Variants in ALDH3A2 observed in about 807,000 individuals in gnomAD.
ALDH3A2 encodes aldehyde dehydrogenase 3 family member A2, also known as aldehyde dehydrogenase family 3 member A2.
A neutral mutation model predicts 51.3 loss-of-function variants in ALDH3A2; 36 were observed. That is an observed-to-expected ratio of 0.70 (90% CI 0.54 to 0.93). ALDH3A2 has a LOEUF of 0.93. ALDH3A2 is among the 40% of genes least tolerant of loss of function. The probability of loss-of-function intolerance (pLI) is 0.00; values close to 1 mark genes in which losing one functional copy is unlikely to be tolerated. For missense variants in ALDH3A2, 552 were observed against 603.1 expected (o/e 0.92, Z 0.89); for synonymous variants, 199 against 219.8 (o/e 0.91, Z 0.84).
In ALDH3A2 at chr17:19,677,543, A is replaced by G. The variant is rs886052701; in HGVS notation, c.*1971A>G. On this transcript the variant is annotated 3_prime_UTR_variant, in exon 10 of 10. Transcript: ENST00000176643. ...CCTCAGATATACCCTATTGGAGACA[A>G]TCCTTTGATCATAAATTCTCCCCAA... 1 of 152,146 alleles carries G rather than the reference A, an allele frequency of 6.6e-6. No individual in the cohort carries two copies. The highest frequency in any genetic ancestry group is 2.4e-5 in the African/African-American group (1 of 41,436). 9.4% of individuals were successfully genotyped at this position (152,146 alleles called of 1,614,324 possible).
In ALDH3A2 at chr17:19,656,358, T is replaced by C; in HGVS notation, c.472-8T>C. ...CAGTGCAAGAGTTTGTGTTTCTCTT[T>C]CTTTGAGGATCTCTATATTGTTATT... On this transcript the variant is annotated splice_region_variant and splice_polypyrimidine_tract_variant and intron_variant, in intron 3 of 9. Coordinates refer to ENST00000176643, the MANE Select transcript of ALDH3A2 (RefSeq NM_000382.3). The C allele has an allele frequency of 6.2e-7, 1 of 1,611,802 alleles. No homozygotes were observed. The highest frequency in any genetic ancestry group is 8.5e-7 in the Non-Finnish European group (1 of 1,177,942).
At chr17:19,673,269 G>A (rs756556265) in intron 9 of ALDH3A2, 4 of 1,614,030 alleles carry the variant, frequency 2.5e-6, no homozygotes, top group Non-Finnish European at 3.4e-6. Flanking sequence ...TGTCTGTTAA[G>A]AGTGAGGTAG....
At chr17:19,652,899 A>G (rs910928516) in intron 3 of ALDH3A2, among the ~76,000 whole-genome samples, 2 of 151,924 alleles carry the variant, frequency 1.3e-5, no homozygotes, top group African/African-American at 2.4e-5. Flanking sequence ...ATTTGGGGTT[A>G]ATTTTTGAGC....
chr17:19,656,524 G>C lies in ALDH3A2; in HGVS notation c.630G>C (p.Gly210=), dbSNP rs375800329. 3 of 1,614,062 alleles carry C rather than the reference G, an allele frequency of 1.9e-6. No homozygotes were observed. The highest frequency in any genetic ancestry group is 1.7e-6 in the Non-Finnish European group (2 of 1,179,990). The change falls in exon 4 of 10, where the codon GGG becomes GGC. Residue 210 remains glycine (G), a synonymous_variant. Coordinates refer to ENST00000176643, the MANE Select transcript of ALDH3A2 (RefSeq NM_000382.3). ...CCCCTGTGACTCTTGAACTGGGAGG[G>C]AAAAGTCCATGTTATATTGATAAAG... ...HLTPVTLELG[G]KSPCYIDKDC... is the part of the protein sequence containing the mutation.
At chr17:19,656,623 C>A (rs757700174) in intron 4 of ALDH3A2, 49 bp downstream of exon 4, 1 of 1,503,400 alleles carries the variant, frequency 6.7e-7, no homozygotes, top group African/African-American at 1.4e-5. Flanking sequence ...ACAATGGAGA[C>A]TTTTCCTGAC....
At chr17:19,663,241 G>C (rs1306067844) in intron 6 of ALDH3A2, 92 bp from the exon 7 acceptor site, 2 of 1,439,938 alleles carry the variant, frequency 1.4e-6, no homozygotes, top group African/African-American at 1.4e-5. Context: ...AGAGGGAAAG[G>C]CATGGATAAG....
intron 9 of ALDH3A2, chr17:19,674,793 A>G (rs1420950273): frequency 2.0e-5 from 3 of 152,228 alleles, no homozygotes; most frequent in East Asian, 1.9e-4. Context: ...TTTAAAATAA[A>G]TGACTTTGAA....
intron 6 of ALDH3A2, 82 bp from the exon 7 acceptor site, chr17:19,663,251 G>A: frequency 1.3e-6 from 2 of 1,510,014 alleles, no homozygotes; most frequent in Non-Finnish European, 1.8e-6. Flanking sequence ...GCATGGATAA[G>A]TGACCCAATG....
chr17:19,675,496 G>A, intron 9 of ALDH3A2, 62 bp from the exon 10 acceptor site: 1 of 1,560,414 alleles, frequency 6.4e-7, no homozygotes, highest in Non-Finnish European at 8.8e-7. Flanking sequence ...GTGTTGCAAG[G>A]CTGGTTGTGG....
intron 1 of ALDH3A2, among the ~76,000 whole-genome samples, chr17:19,651,274 G>A (rs1049043404): frequency 2.6e-5 from 4 of 152,202 alleles, no homozygotes; most frequent in Non-Finnish European, 4.4e-5. Flanking sequence ...CTTTTAAAGG[G>A]TGTGGATTAC....
intron 8 of ALDH3A2, among the ~76,000 whole-genome samples, chr17:19,667,989 G>C (rs1419509936): frequency 1.3e-5 from 2 of 151,980 alleles, no homozygotes; most frequent in Non-Finnish European, 1.5e-5. Flanking sequence ...CCCAATTCTG[G>C]ATTATTCCAT....
At chr17:19,672,629 A>G (rs907384941) in intron 9 of ALDH3A2, among the ~76,000 whole-genome samples, 2 of 152,210 alleles carry the variant, frequency 1.3e-5, no homozygotes, top group South Asian at 2.1e-4. Flanking sequence ...GAGGAAGGCA[A>G]TTGTGTCTGT....
chr17:19,649,239 G>C, intron 1 of ALDH3A2, 115 bp downstream of exon 1: 3 of 1,377,338 alleles, frequency 2.2e-6, no homozygotes, highest in Non-Finnish European at 2.9e-6. Context: ...CCAGCACTGG[G>C]AGTATGATCT....
rs2085180135 is a variant in ALDH3A2 at position 19,675,829 on chromosome 17, G to C, written c.*257G>C. ...TAAATCTTGGAACTTTGAGCTAGGG[G>C]AGGAGAATGTATTAGACTAAATACA... On this transcript the variant is annotated 3_prime_UTR_variant, in exon 10 of 10. Transcript: ENST00000176643. 5.6e-6 allele frequency: 3 copies of C among 534,364 alleles called. No individual in the cohort carries two copies. The highest frequency in any genetic ancestry group is 1.9e-5 in the African/African-American group (1 of 52,318). 33.1% of individuals were successfully genotyped at this position (534,364 alleles called of 1,614,324 possible).
At chr17:19,674,532 A>G (rs528249155) in intron 9 of ALDH3A2, 1 of 152,356 alleles carries the variant, frequency 6.6e-6, no homozygotes, top group South Asian at 2.1e-4. Context: ...TCCTGGCTCA[A>G]TGAACTTGGG....
chr17:19,656,060 G>A (rs575941724), intron 3 of ALDH3A2: 180 of 402,258 alleles, frequency 4.5e-4, no homozygotes, highest in African/African-American at 3.3e-3. Context: ...ACACACCCGC[G>A]TCTCATGCAT....
Position 19,648,938 on chromosome 17 carries a change from C to T in ALDH3A2, c.-34C>T, listed in dbSNP as rs1291602670. The T allele has an allele frequency of 6.4e-7, 1 of 1,561,268 alleles. No individual in the cohort carries two copies. Among genetic ancestry groups the T allele is most frequent in the East Asian group, 2.3e-5 (1 of 42,764 alleles). On this transcript the variant is annotated 5_prime_UTR_variant, in exon 1 of 10. Coordinates refer to ENST00000176643, the MANE Select transcript of ALDH3A2 (RefSeq NM_000382.3). Reference sequence around the variant, plus strand: ...CTTCCCGCCTCCCACTCCCCAGCGCCCCCGGACCGTGCAGTTCTCTGCAGG... The same window carrying T: ...CTTCCCGCCTCCCACTCCCCAGCGCTCCCGGACCGTGCAGTTCTCTGCAGG...
At position 19,671,963 on chromosome 17, in the gene ALDH3A2, C is replaced by G. The variant is rs1357977165; in HGVS notation, c.1443+7C>G. ...AGCCGCTGTGCTTGTCAAGGTGAGT[C>G]CCTATAACCCATGAGTGCCATTCAG... On this transcript the variant is annotated splice_region_variant and intron_variant, in intron 9 of 9. Transcript: ENST00000176643. 1.2e-6 allele frequency: 2 copies of G among 1,611,274 alleles called. No individual in the cohort carries two copies. The highest frequency in any genetic ancestry group is 1.7e-5 in the Admixed American group (1 of 59,998).
chr17:19,659,858 A>C (rs185501387), intron 5 of ALDH3A2, among the ~76,000 whole-genome samples: 3 of 151,680 alleles, frequency 2.0e-5, no homozygotes, highest in Non-Finnish European at 4.4e-5. Context: ...AAAAAAAAAA[A>C]AGAGAAAATT....
Sources: gnomAD v4.1 joint callset for allele counts (sites outside exome capture counted in the v4.1 genomes callset) on GRCh38, gnomAD v4.1.1 for gene constraint, MANE v1.5 for transcripts, NCBI Gene and HGNC (gene_info 2026-07-23, HGNC 2026-07-21) for gene names.